The following PKP1 variants were observed in gnomAD, a reference collection of about 807,000 sequenced individuals.
The protein encoded by PKP1 is plakophilin-1.
PKP1 carries 27 observed loss-of-function variants against 76.4 expected under a neutral mutation model. That is an observed-to-expected ratio of 0.35 (90% CI 0.26 to 0.49). The LOEUF (loss-of-function observed/expected upper bound fraction) is 0.49, where lower values mean the gene tolerates loss of function less well. Among genes scored for constraint, PKP1 ranks in the 20% least tolerant of loss-of-function variants. PKP1 has a pLI of 0.99. For synonymous variants in PKP1, 404 were observed against 384.2 expected (o/e 1.05, Z -0.60); for missense variants, 964 against 955.2 (o/e 1.01, Z -0.12).
intron 1 of PKP1, among the ~76,000 whole-genome samples, chr1:201,284,765 A>C (rs1655679329): frequency 6.6e-6 from 1 of 152,150 alleles, no homozygotes; most frequent in African/African-American, 2.4e-5. Flanking sequence ...AGAGTACGGA[A>C]TGGCAGGTTG....
At chr1:201,303,145 A>C (rs1421326676) in intron 2 of PKP1, among the ~76,000 whole-genome samples, 1 of 152,224 alleles carries the variant, frequency 6.6e-6, no homozygotes, top group Non-Finnish European at 1.5e-5. Flanking sequence ...ACTTATTTTT[A>C]AGGGAATTAC....
chr1:201,311,074 G>A (rs1028165050), intron 2 of PKP1, among the ~76,000 whole-genome samples: 1 of 152,228 alleles, frequency 6.6e-6, no homozygotes, highest in Non-Finnish European at 1.5e-5. Flanking sequence ...CAGGCGTGTC[G>A]TTTATGGAGA....
chr1:201,316,326 G>A (rs889943555), intron 3 of PKP1: 2 of 566,012 alleles, frequency 3.5e-6, no homozygotes, highest in African/African-American at 1.9e-5. Context: ...GTGACCAGGG[G>A]CTCACTATTC....
chr1:201,311,920 T>C (rs1162745108), intron 2 of PKP1, among the ~76,000 whole-genome samples: 1 of 152,238 alleles, frequency 6.6e-6, no homozygotes, highest in Non-Finnish European at 1.5e-5. Context: ...CCAGAACTGA[T>C]TCGCACCAAG....
rs778488784 is a variant in PKP1 at position 201,323,079 on chromosome 1, C to T, written c.1570C>T (p.His524Tyr). The T allele has an allele frequency of 1.5e-5, 24 of 1,614,130 alleles. No individual in the cohort carries two copies. In the South Asian group the frequency reaches 2.6e-4, roughly 18 times the overall value. The change falls in exon 9 of 14, where the codon CAT becomes TAT. Residue 524 changes from histidine to tyrosine, a missense_variant. Transcript: ENST00000367324. ...TNPKGSGWLYHSDAIRTYLNL... is the reference protein window; with the variant it reads ...TNPKGSGWLYYSDAIRTYLNL... The stretch of plus-strand genomic sequence containing the variant: ...CCCCAAGGGCAGCGGCTGGTTGTAC[C>T]ATTCAGATGCCATCCGCACCTACCT...
chr1:201,290,196 G>A (rs1199827812), intron 1 of PKP1, among the ~76,000 whole-genome samples: 5 of 152,190 alleles, frequency 3.3e-5, no homozygotes, highest in South Asian at 2.1e-4. Flanking sequence ...ACCCTAAAAC[G>A]CGGATGTAAA....
intron 2 of PKP1, among the ~76,000 whole-genome samples, chr1:201,296,645 C>T (rs1434946789): frequency 6.6e-6 from 1 of 152,166 alleles, no homozygotes; most frequent in African/African-American, 2.4e-5. Flanking sequence ...CTGACTTTGC[C>T]CTCAATGAAC....
chr1:201,318,436 G>T (rs535726770), intron 5 of PKP1, among the ~76,000 whole-genome samples, 182 bp from the exon 6 acceptor site: 34 of 152,292 alleles, frequency 2.2e-4, no homozygotes, highest in African/African-American at 7.7e-4. Flanking sequence ...CCTTCAGTCT[G>T]GTTGGGGCAT....
At chr1:201,303,215 A>C (rs1656286128) in intron 2 of PKP1, among the ~76,000 whole-genome samples, 1 of 152,214 alleles carries the variant, frequency 6.6e-6, no homozygotes, top group Non-Finnish European at 1.5e-5. Flanking sequence ...ACAGGGTCTC[A>C]CTATATTGCC....
chr1:201,322,889 G>T, intron 8 of PKP1, 124 bp from the exon 9 acceptor site: 1 of 965,084 alleles, frequency 1.0e-6, no homozygotes, highest in Non-Finnish European at 1.6e-6. Flanking sequence ...CTCTGCAGGC[G>T]CTTCCTCAGC....
At chr1:201,295,486 T>C (rs1390772139) in intron 2 of PKP1, among the ~76,000 whole-genome samples, 1 of 152,192 alleles carries the variant, frequency 6.6e-6, no homozygotes, top group Non-Finnish European at 1.5e-5. Flanking sequence ...CAAAGGGTGA[T>C]GACCAAATTG....
chr1:201,283,964 G>T, intron 1 of PKP1, 60 bp downstream of exon 1: 1 of 1,493,582 alleles, frequency 6.7e-7, no homozygotes, highest in Non-Finnish European at 9.3e-7. Context: ...TGGCCCAGTG[G>T]CGGGGACCAA....
At chr1:201,308,604 A>C (rs1656438163) in intron 2 of PKP1, among the ~76,000 whole-genome samples, 1 of 152,182 alleles carries the variant, frequency 6.6e-6, no homozygotes, top group African/African-American at 2.4e-5. Flanking sequence ...GGGAGGCTGC[A>C]GGTGAGGAAA....
At chr1:201,328,522 T>C (rs901425361) in intron 12 of PKP1, 2 of 582,266 alleles carry the variant, frequency 3.4e-6, no homozygotes, top group Admixed American at 2.7e-5. Flanking sequence ...TTTCTGCAAA[T>C]GCAAGTAGGA....
intron 4 of PKP1, 83 bp downstream of exon 4, chr1:201,316,780 G>A: frequency 1.3e-6 from 2 of 1,496,098 alleles, no homozygotes; most frequent in East Asian, 2.3e-5. Context: ...AGAGATGGGT[G>A]AGGGCATCTG....
At chr1:201,319,319 A>G (rs1196187734) in intron 6 of PKP1, among the ~76,000 whole-genome samples, 1 of 146,722 alleles carries the variant, frequency 6.8e-6, no homozygotes, top group East Asian at 2.2e-4. Context: ...TTCTAGAAGC[A>G]GTGGTTTACA....
At chr1:201,307,498 C>A (rs780501449) in intron 2 of PKP1, among the ~76,000 whole-genome samples, 2 of 152,160 alleles carry the variant, frequency 1.3e-5, no homozygotes, top group Non-Finnish European at 2.9e-5. Context: ...GGAAGATTCT[C>A]GACCGCCTGG....
At chr1:201,312,173 C>T (rs1018890239) in intron 2 of PKP1, among the ~76,000 whole-genome samples, 2 of 152,206 alleles carry the variant, frequency 1.3e-5, no homozygotes, top group African/African-American at 4.8e-5. Context: ...GTAAAAGGGC[C>T]CAGGGAGCAG....
chr1:201,316,553 G>C lies in PKP1; in HGVS notation c.702G>C (p.Lys234Asn), dbSNP rs763269762. The change falls in exon 4 of 14, where the codon AAG becomes AAC. Residue 234 changes from lysine to asparagine, a missense_variant and splice_region_variant. Transcript: ENST00000367324. Reference protein sequence around the residue: ...LSFGHSRASSKICSEDIECSG... With the variant: ...LSFGHSRASSNICSEDIECSG... ...CACCCCCACTGCCTATTCTTCACAG[G>C]ATCTGCAGTGAGGACATCGAGTGCA... 1.2e-6 allele frequency: 2 copies of C among 1,604,846 alleles called. No individual in the cohort carries two copies. The highest frequency in any genetic ancestry group is 1.3e-5 in the African/African-American group (1 of 74,778).
Sources: allele counts gnomAD v4.1 joint callset (sites outside exome capture counted in the v4.1 genomes callset), GRCh38; gene constraint gnomAD v4.1.1; transcripts MANE v1.5; gene names NCBI Gene and HGNC (gene_info 2026-07-23, HGNC 2026-07-21).